Variants in SP4 observed in about 807,000 individuals in gnomAD.
SP4 encodes the protein transcription factor Sp4.
In SP4, 19 loss-of-function variants were observed where a neutral mutation model predicts 72.8. That is an observed-to-expected ratio of 0.26 (90% CI 0.18 to 0.38). The LOEUF (loss-of-function observed/expected upper bound fraction) is 0.38. Among genes scored for constraint, SP4 ranks in the 10% least tolerant of loss-of-function variants. The pLI is 1.00. For synonymous variants in SP4, 395 were observed against 333.1 expected (o/e 1.19, Z -2.02); for missense variants, 1,008 against 926.3 (o/e 1.09, Z -1.14).
intron 2 of SP4, 105 bp downstream of exon 2, chr7:21,428,897 C>T: frequency 1.1e-6 from 1 of 895,726 alleles, no homozygotes; most frequent in East Asian, 2.7e-5. Context: ...TTTATCCACT[C>T]AAAGCATCTT....
At chr7:21,480,690 C>G (rs918478529) in intron 4 of SP4, among the ~76,000 whole-genome samples, 1 of 152,138 alleles carries the variant, frequency 6.6e-6, no homozygotes, top group African/African-American at 2.4e-5. Flanking sequence ...GACATTTTTT[C>G]TGACCCTAAG....
intron 3 of SP4, among the ~76,000 whole-genome samples, chr7:21,467,670 T>C (rs986763820): frequency 6.6e-6 from 1 of 152,202 alleles, no homozygotes; most frequent in African/African-American, 2.4e-5. Flanking sequence ...TTAGGAGACA[T>C]ATTTTTTGAG....
Position 21,442,038 on chromosome 7 carries a change from A to T in SP4, c.1678+11195A>T, listed in dbSNP as rs10251078. On this transcript the variant is annotated intron_variant, in intron 3 of 5. Coordinates refer to ENST00000222584, the MANE Select transcript of SP4 (RefSeq NM_003112.5). ...TGTGTGTGTGTGTGTGTGTGTGTGT[A>T]TTTTTTTTTTTTTTTTTTGAAACGG... Among the ~76,000 whole-genome samples the T allele has an allele frequency of 4.6e-3, 433 of 93,170 alleles. 3 individuals are homozygous for T. Among genetic ancestry groups the T allele is most frequent in the African/African-American group, 0.014 (323 of 22,856 alleles). The allele number at this position is 93,170 out of a possible 152,430, so 61.1% of individuals were successfully genotyped here. A position where few individuals can be genotyped will look rare whatever the true frequency, so the allele number is the denominator to read the frequency against.
At chr7:21,473,747 A>G (rs1784415654) in intron 3 of SP4, among the ~76,000 whole-genome samples, 1 of 152,158 alleles carries the variant, frequency 6.6e-6, no homozygotes, top group African/African-American at 2.4e-5. Context: ...TAGACTGGAG[A>G]GTATATGCAA....
At chr7:21,490,874 C>T (rs1163508586) in intron 5 of SP4, among the ~76,000 whole-genome samples, 1 of 152,214 alleles carries the variant, frequency 6.6e-6, no homozygotes, top group Non-Finnish European at 1.5e-5. Flanking sequence ...GGAACTGCTG[C>T]TCAAAGAGGG....
intron 5 of SP4, among the ~76,000 whole-genome samples, chr7:21,488,234 A>G (rs1226536106): frequency 6.6e-6 from 1 of 152,160 alleles, no homozygotes; most frequent in Non-Finnish European, 1.5e-5. Flanking sequence ...TAATTACCAA[A>G]ATACAATAAT....
At position 21,428,256 on chromosome 7, in the gene SP4, G is replaced by A. The variant is rs879283909; in HGVS notation, c.5G>A (p.Ser2Asn). Reference sequence around the variant, plus strand: ...GGTTTGTCCTGTTAATGCGGGATGAGCGGTACGTATTCTCCACCCCCCTCA... The same window carrying A: ...GGTTTGTCCTGTTAATGCGGGATGAACGGTACGTATTCTCCACCCCCCTCA... M[S>N]DQKKEEEEEA... The change falls in exon 1 of 6, where the codon AGC becomes AAC. Residue 2 changes from serine (S) to asparagine (N), a missense_variant and splice_region_variant. By Grantham distance (46) the Ser-to-Asn change is conservative. This residue lies in a region of SP4 where 893 missense variants were observed against 743.3 expected (regional missense o/e 1.20). Coordinates refer to ENST00000222584, the MANE Select transcript of SP4 (RefSeq NM_003112.5). The A allele has an allele frequency of 2.0e-6, 3 of 1,509,726 alleles. No homozygotes were observed. The highest frequency in any genetic ancestry group is 2.8e-5 in the African/African-American group (2 of 71,562). 93.5% of individuals were successfully genotyped at this position (1,509,726 alleles called of 1,614,324 possible). A position where few individuals can be genotyped will look rare whatever the true frequency, so the allele number is the denominator to read the frequency against.
intron 3 of SP4, among the ~76,000 whole-genome samples, chr7:21,460,396 G>T (rs1783920614): frequency 6.6e-6 from 1 of 151,458 alleles, no homozygotes. Flanking sequence ...TTTCCTCCCG[G>T]TGGGTTCGTG....
rs959310628 is a variant in SP4 at position 21,487,954 on chromosome 7, C to T, written c.2107+5831C>T. 2.6e-5 allele frequency among the ~76,000 whole-genome samples: 4 copies of T among 152,060 alleles called. No homozygotes were observed. In the East Asian group the frequency reaches 5.8e-4, roughly 22 times the overall value. ...CAGCTCACTGCAACCTCCTCCACCT[C>T]CCAGGCTCAAGTGATCCTCACACCT... On this transcript the variant is annotated intron_variant, in intron 5 of 5. Transcript: ENST00000222584.
chr7:21,461,679 G>T (rs1302380182), intron 3 of SP4, among the ~76,000 whole-genome samples: 1 of 152,214 alleles, frequency 6.6e-6, no homozygotes, highest in Non-Finnish European at 1.5e-5. Flanking sequence ...GGCCAGCCCG[G>T]AGAAGGGCTC....
intron 5 of SP4, among the ~76,000 whole-genome samples, chr7:21,503,431 A>T (rs1781918368): frequency 6.6e-6 from 1 of 152,102 alleles, no homozygotes; most frequent in Admixed American, 6.5e-5. Context: ...TAGTTTGGTG[A>T]TATGCTTTGT....
rs183607271 is a variant in SP4, at chr7:21,458,838, A to C, written c.1679-18241A>C. Among the ~76,000 whole-genome samples the C allele has an allele frequency of 3.6e-3, 541 of 151,996 alleles. 5 individuals carry two copies. The highest frequency in any genetic ancestry group is 5.9e-3 in the Non-Finnish European group (401 of 67,986). On this transcript the variant is annotated intron_variant, in intron 3 of 5. Transcript: ENST00000222584. ...AAAAATCTGTGGCCAGTTCATTTAC[A>C]CTTGAATGTAGAAATCTAGTATTTC... is the stretch of plus-strand genomic sequence containing the variant.
At chr7:21,438,005 CTTT>C (rs778336243) in intron 3 of SP4, among the ~76,000 whole-genome samples, 1 of 140,482 alleles carries the variant, frequency 7.1e-6, no homozygotes, top group Non-Finnish European at 1.6e-5. Context: ...ATATGAGGGG[CTTT>C]TTTTTTTTTT....
intron 3 of SP4, among the ~76,000 whole-genome samples, 199 bp downstream of exon 3, chr7:21,431,042 TAATG>T (rs1169787352): frequency 2.0e-5 from 3 of 152,342 alleles, no homozygotes; most frequent in East Asian, 3.9e-4. Flanking sequence ...GATTTTATAA[TAATG>T]TGTTAAATTT....
chr7:21,480,364 T>C (rs2128410722), intron 4 of SP4, among the ~76,000 whole-genome samples: 1 of 152,346 alleles, frequency 6.6e-6, no homozygotes, highest in South Asian at 2.1e-4. Flanking sequence ...CTTGGGCTTT[T>C]CTTATGGGTA....
rs1271471154 is a variant in SP4 at position 21,430,188 on chromosome 7, A to G, written c.1023A>G (p.Ser341=). 1 of 1,614,234 alleles carries G rather than the reference A, an allele frequency of 6.2e-7. No homozygotes were observed. Among genetic ancestry groups the G allele is most frequent in the Non-Finnish European group, 8.5e-7 (1 of 1,180,038 alleles). ...SLTSSDTLVS[S]ADTGQYASTS... ...CAAGCAGTGACACATTAGTGAGCTC[A>G]GCAGATACTGGCCAGTATGCAAGCA... The change falls in exon 3 of 6, where the codon TCA becomes TCG. Residue 341 remains serine (S), a synonymous_variant. Transcript: ENST00000222584.
intron 4 of SP4, among the ~76,000 whole-genome samples, chr7:21,481,319 A>T (rs988131578): frequency 2.6e-5 from 4 of 152,122 alleles, no homozygotes; most frequent in Non-Finnish European, 5.9e-5. Flanking sequence ...ACCAGTCTCT[A>T]ATGTTCCTGT....
intron 3 of SP4, among the ~76,000 whole-genome samples, chr7:21,462,909 G>C (rs768085247): frequency 6.6e-6 from 1 of 152,144 alleles, no homozygotes; most frequent in Non-Finnish European, 1.5e-5. Context: ...TAAGACCTAA[G>C]AACTGTGCTG....
Position 21,470,196 on chromosome 7 carries a change from T to A in SP4, c.1679-6883T>A, listed in dbSNP as rs140522604. ...CTTCTATGTTTGTATAGATTTTAGA[T>A]TATCATTCGCTTTATTTAAGAAACA... is the stretch of plus-strand genomic sequence containing the variant. On this transcript the variant is annotated intron_variant, in intron 3 of 5. Coordinates refer to ENST00000222584, the MANE Select transcript of SP4 (RefSeq NM_003112.5). Among the ~76,000 whole-genome samples the A allele has an allele frequency of 8.2e-4, 125 of 152,358 alleles. 2 individuals carry two copies. The East Asian group carries it at 0.022, about 27-fold the overall frequency.
Sources: gnomAD v4.1 joint callset for allele counts (sites outside exome capture counted in the v4.1 genomes callset) on GRCh38, gnomAD v4.1.1 for gene constraint, gnomAD v4.1.1 regional missense constraint, MANE v1.5 for transcripts, NCBI Gene and HGNC (gene_info 2026-07-23, HGNC 2026-07-21) for gene names.